PPP4R3B: variants seen among roughly 807,000 people sequenced by gnomAD.
The protein encoded by PPP4R3B is serine/threonine-protein phosphatase 4 regulatory subunit 3B.
In PPP4R3B, 52 loss-of-function variants were observed where a neutral mutation model predicts 95.4. The observed-to-expected ratio is 0.54, with a 90% CI of 0.44 to 0.69. The LOEUF is 0.69. Among genes scored for constraint, PPP4R3B ranks in the 30% least tolerant of loss-of-function variants. PPP4R3B has a pLI of 0.00. For missense variants in PPP4R3B, 1,003 were observed against 1,005.9 expected, an observed-to-expected ratio of 1.00 and a Z score of 0.04; for synonymous variants, 407 against 343.9, an observed-to-expected ratio of 1.18 and a Z score of -2.03.
intron 8 of PPP4R3B, among the ~76,000 whole-genome samples, chr2:55,581,339 A>T (rs558570495): frequency 1.3e-5 from 2 of 152,330 alleles, no homozygotes; most frequent in African/African-American, 4.8e-5. Context: ...AATTTTAAGA[A>T]ATTAACACAT....
At chr2:55,613,042 T>C (rs183853296) in intron 2 of PPP4R3B, among the ~76,000 whole-genome samples, 1 of 151,914 alleles carries the variant, frequency 6.6e-6, no homozygotes, top group East Asian at 1.9e-4. Context: ...GCCCAGGAGG[T>C]TGAGGCTGCA....
chr2:55,617,007 T>G, intron 1 of PPP4R3B, 137 bp downstream of exon 1: 1 of 932,114 alleles, frequency 1.1e-6, no homozygotes, highest in Non-Finnish European at 1.6e-6. Context: ...ACTTTGTTTT[T>G]GCCGTACACA....
intron 4 of PPP4R3B, among the ~76,000 whole-genome samples, chr2:55,598,020 C>G (rs1408850121): frequency 2.6e-5 from 4 of 151,976 alleles, no homozygotes; most frequent in Non-Finnish European, 5.9e-5. Context: ...GAGTTCAACA[C>G]CAGTCTGGGC....
chr2:55,614,088 T>C (rs571500241), intron 2 of PPP4R3B: 2 of 152,304 alleles, frequency 1.3e-5, no homozygotes, highest in Admixed American at 6.5e-5. Flanking sequence ...GAATTGAATA[T>C]TGAAAATTTT....
At chr2:55,586,329 A>C (rs1024908439) in intron 6 of PPP4R3B, among the ~76,000 whole-genome samples, 4 of 152,206 alleles carry the variant, frequency 2.6e-5, no homozygotes, top group African/African-American at 9.6e-5. Flanking sequence ...TAAAAACAAA[A>C]GATATTTTAC....
intron 3 of PPP4R3B, 42 bp downstream of exon 3, chr2:55,603,936 A>G (rs1208668230): frequency 7.0e-7 from 1 of 1,426,444 alleles, no homozygotes; most frequent in African/African-American, 1.4e-5. Context: ...AATTCCAGAA[A>G]AGAAGCAAAC....
At chr2:55,555,818 G>A (rs999125457) in intron 16 of PPP4R3B, among the ~76,000 whole-genome samples, 1 of 152,096 alleles carries the variant, frequency 6.6e-6, no homozygotes, top group South Asian at 2.1e-4. Context: ...AGCTCACCAA[G>A]ATAAATTTGC....
At chr2:55,566,298 T>C (rs1453256088) in intron 13 of PPP4R3B, among the ~76,000 whole-genome samples, 2 of 151,894 alleles carry the variant, frequency 1.3e-5, no homozygotes, top group Non-Finnish European at 2.9e-5. Flanking sequence ...AACGAAAAAA[T>C]ACATTAAGTT....
intron 4 of PPP4R3B, among the ~76,000 whole-genome samples, chr2:55,589,867 G>C (rs1421135659): frequency 6.9e-6 from 1 of 144,892 alleles, no homozygotes; most frequent in Middle Eastern, 4.0e-3. Flanking sequence ...AGTGAGCCGA[G>C]ATTGTGCCAC....
In PPP4R3B at chr2:55,565,020, C is replaced by G; in HGVS notation, c.1957G>C (p.Ala653Pro). 6.3e-7 allele frequency: 1 copy of G among 1,594,610 alleles called. No individual in the cohort carries two copies. Among genetic ancestry groups the G allele is most frequent in the Non-Finnish European group, 8.5e-7 (1 of 1,171,450 alleles). Residue 653 changes from alanine (A) to proline (P), a missense_variant, in exon 14 of 17, where the codon GCC becomes CCC. Around this residue, in one of 3 missense-constraint regions of PPP4R3B, gnomAD observed 79 missense variants for 124.9 expected, o/e 0.63. Coordinates refer to ENST00000616407, the MANE Select transcript of PPP4R3B (RefSeq NM_001122964.3). ...TTATAAAAGTTTTCAACTATATGGG[C>G]AGTAAGAGACTTGATATCTTCCTGT... ...IRVEDIKSLT[A>P]HIVENFYKAL...
intron 15 of PPP4R3B, among the ~76,000 whole-genome samples, chr2:55,561,307 G>A (rs1371496816): frequency 2.6e-5 from 4 of 152,204 alleles, no homozygotes; most frequent in Non-Finnish European, 4.4e-5. Context: ...GAAATGCCTG[G>A]ATATCTAGGC....
intron 4 of PPP4R3B, 114 bp downstream of exon 4, chr2:55,598,302 T>C: frequency 9.2e-7 from 1 of 1,084,016 alleles, no homozygotes; most frequent in Non-Finnish European, 1.3e-6. Flanking sequence ...TACTTAATAG[T>C]ACATTTAAAC....
Position 55,603,996 on chromosome 2 carries a change from G to C in PPP4R3B, c.279C>G (p.Ile93Met), listed in dbSNP as rs752636878. 1.2e-6 allele frequency: 2 copies of C among 1,606,932 alleles called. No individual in the cohort carries two copies. Among genetic ancestry groups the C allele is most frequent in the Non-Finnish European group, 1.7e-6 (2 of 1,177,750 alleles). Residue 93 changes from isoleucine (I) to methionine (M), a missense_variant, in exon 3 of 17, where the codon ATC becomes ATG. Coordinates refer to ENST00000616407, the MANE Select transcript of PPP4R3B (RefSeq NM_001122964.3). ...SFQEKAGCDE[I>M]WEKICQVQGK... ...AACTTACCTGACAAATTTTTTCCCA[G>C]ATCTCATCACAGCCAGCTTTCTCCT...
chr2:55,574,347 T>A (rs1042631641), intron 11 of PPP4R3B, among the ~76,000 whole-genome samples: 2 of 151,728 alleles, frequency 1.3e-5, no homozygotes, highest in African/African-American at 4.8e-5. Context: ...GCAATAAAAA[T>A]ATATGAACAT....
At chr2:55,597,579 G>A (rs1203395840) in intron 4 of PPP4R3B, among the ~76,000 whole-genome samples, 3 of 151,908 alleles carry the variant, frequency 2.0e-5, no homozygotes, top group East Asian at 1.9e-4. Flanking sequence ...CCAAGATTGC[G>A]CCACTGCACT....
At chr2:55,615,882 A>AAAAAAAAAAAAAAAAAC (rs58219253) in intron 1 of PPP4R3B, among the ~76,000 whole-genome samples, 1 of 113,564 alleles carries the variant, frequency 8.8e-6, no homozygotes, top group African/African-American at 3.0e-5. Flanking sequence ...AAAAAAAAAA[A>AAAAAAAAAAAAAAAAAC]TACACATTTA....
At chr2:55,603,933 GA>G in intron 3 of PPP4R3B, 44 bp downstream of exon 3, 2 of 1,411,756 alleles carry the variant, frequency 1.4e-6, no homozygotes, top group African/African-American at 1.4e-5. Flanking sequence ...AAAAATTCCA[GA>G]AAAGAAGCAA....
intron 12 of PPP4R3B, among the ~76,000 whole-genome samples, chr2:55,569,542 G>A (rs1354134679): frequency 2.0e-5 from 3 of 152,192 alleles, no homozygotes; most frequent in South Asian, 2.1e-4. Flanking sequence ...AAAAGTCTAT[G>A]ATAAGCAGAA....
intron 16 of PPP4R3B, among the ~76,000 whole-genome samples, chr2:55,552,602 CAGGCTGGCCTTGA>C (rs1205377393): frequency 1.3e-5 from 2 of 152,110 alleles, no homozygotes; most frequent in African/African-American, 4.8e-5. Context: ...CCATGTTGGC[CAGGCTGGCCTTGA>C]ACTCCTGGCC....
Sources: gnomAD v4.1 joint callset for allele counts (sites outside exome capture counted in the v4.1 genomes callset) on GRCh38, gnomAD v4.1.1 for gene constraint, gnomAD v4.1.1 regional missense constraint, MANE v1.5 for transcripts, NCBI Gene and HGNC (gene_info 2026-07-23, HGNC 2026-07-21) for gene names.